The following SLC3A2 variants were observed in gnomAD, a reference collection of about 807,000 sequenced individuals.
SLC3A2 encodes the protein solute carrier family 3 member 2.
Under a neutral mutation model 48.5 loss-of-function variants are expected in SLC3A2, and 32 were observed. That is an observed-to-expected ratio of 0.66 (90% CI 0.50 to 0.89). The LOEUF is 0.89. SLC3A2 is among the 40% of genes least tolerant of loss of function. SLC3A2 has a pLI of 0.00. For missense variants in SLC3A2, 587 were observed against 680.7 expected, an observed-to-expected ratio of 0.86 and a Z score of 1.53; for synonymous variants, 277 against 288.8, an observed-to-expected ratio of 0.96 and a Z score of 0.41.
At chr11:62,861,670 C>T (rs571428879) in intron 1 of SLC3A2, among the ~76,000 whole-genome samples, 1 of 152,180 alleles carries the variant, frequency 6.6e-6, no homozygotes, top group Admixed American at 6.5e-5. Flanking sequence ...AATTCCAGCA[C>T]GTTGGGAGGC....
chr11:62,888,516 G>C lies in SLC3A2; in HGVS notation c.1413G>C (p.Val471=). 6.2e-7 allele frequency: 1 copy of C among 1,614,202 alleles called. No individual in the cohort carries two copies. The highest frequency in any genetic ancestry group is 8.5e-7 in the Non-Finnish European group (1 of 1,180,046). The part of the protein sequence containing the change: ...RFLVVLNFGD[V]GLSAGLQASD... ...TGGTAGTGCTTAACTTTGGGGATGT[G>C]GGCCTCTCGGCTGGACTGCAGGCCT... is the stretch of plus-strand genomic sequence containing the variant. The change falls in exon 9 of 9, where the codon GTG becomes GTC. Residue 471 remains valine, a synonymous_variant. Coordinates refer to ENST00000338663, the MANE Select transcript of SLC3A2 (RefSeq NM_001013251.3).
chr11:62,882,692 C>G (rs189596602), intron 2 of SLC3A2: 1 of 517,192 alleles, frequency 1.9e-6, no homozygotes, highest in Admixed American at 3.2e-5. Context: ...ACATGTTGAC[C>G]GGTCTGGTTT....
In SLC3A2 at chr11:62,888,625, C is replaced by T; in HGVS notation, c.1522C>T (p.Leu508Phe). ...GCCAGGCCGTGAGGAGGGCTCCCCT[C>T]TTGAGCTGGAACGCCTGAAACTGGA... ...TQPGREEGSP[L>F]ELERLKLEPH... The change falls in exon 9 of 9, where the codon CTT (leucine) becomes TTT (phenylalanine). Residue 508 changes from leucine (L) to phenylalanine (F), a missense_variant. By Grantham distance (22) the Leu-to-Phe change is conservative (BLOSUM62 0). Around this residue, in one of 3 missense-constraint regions of SLC3A2, gnomAD observed 169 missense variants for 204.4 expected, o/e 0.83. Coordinates refer to ENST00000338663, the MANE Select transcript of SLC3A2 (RefSeq NM_001013251.3). 6.2e-7 allele frequency: 1 copy of T among 1,609,410 alleles called. No homozygotes were observed. Among genetic ancestry groups the T allele is most frequent in the African/African-American group, 1.3e-5 (1 of 75,068 alleles).
chr11:62,859,316 T>A (rs1322016032), intron 1 of SLC3A2, among the ~76,000 whole-genome samples: 2 of 152,170 alleles, frequency 1.3e-5, no homozygotes, highest in Non-Finnish European at 2.9e-5. Flanking sequence ...AACCCTGAGT[T>A]TGACACAGCA....
In SLC3A2 at chr11:62,859,410, G is replaced by C. The variant is rs550955190; in HGVS notation, c.112+3029G>C. Among the ~76,000 whole-genome samples, 16 of 152,272 alleles carry C rather than the reference G, an allele frequency of 1.1e-4. No individual in the cohort carries two copies. In the East Asian group the frequency reaches 2.7e-3, roughly 26 times the overall value. On this transcript the variant is annotated intron_variant, in intron 1 of 9. Transcript: ENST00000377889. ...TTTTCTTAGTACATAACAAAATGGA[G>C]TCTCCCATGTCTATTTCTTTCTACA... is the stretch of plus-strand genomic sequence containing the variant.
chr11:62,856,157 G>C, exon 1 of SLC3A2: 1 of 799,460 alleles, frequency 1.3e-6, no homozygotes, highest in Non-Finnish European at 1.9e-6. Flanking sequence ...GGAGCGGTGA[G>C]ATCACTGCCT....
At chr11:62,884,590 C>T (rs377703580) in intron 4 of SLC3A2, 42 bp from the exon 5 acceptor site, 54 of 1,613,152 alleles carry the variant, frequency 3.3e-5, no homozygotes, top group Middle Eastern at 1.7e-4. Flanking sequence ...GCTAGAGCCT[C>T]ATAATATTCT....
At chr11:62,885,711 C>T (rs1240918087) in intron 7 of SLC3A2, 103 bp downstream of exon 7, 52 of 1,305,776 alleles carry the variant, frequency 4.0e-5, no homozygotes, top group Middle Eastern at 1.9e-4. Context: ...GGTGAAAACG[C>T]GTTTGATTCT....
At chr11:62,883,580 T>G in intron 3 of SLC3A2, 1 of 203,024 alleles carries the variant, frequency 4.9e-6, no homozygotes, top group South Asian at 8.1e-5. Flanking sequence ...TCAGAATGGG[T>G]AGAACAAAAA....
At chr11:62,860,882 C>G (rs1263957014) in intron 1 of SLC3A2, among the ~76,000 whole-genome samples, 1 of 152,194 alleles carries the variant, frequency 6.6e-6, no homozygotes, top group Admixed American at 6.5e-5. Context: ...CAAAGCACAT[C>G]CTGCACAGCC....
At chr11:62,882,713 T>A in intron 2 of SLC3A2, 195 bp from the exon 3 acceptor site, 1 of 572,990 alleles carries the variant, frequency 1.7e-6, no homozygotes, top group Non-Finnish European at 3.2e-6. Flanking sequence ...TGAACTCGCC[T>A]GGCCTGCCTT....
At position 62,888,426 on chromosome 11, in the gene SLC3A2, C is replaced by A. The variant is rs761885905; in HGVS notation, c.1323C>A (p.His441Gln). 6.2e-7 allele frequency: 1 copy of A among 1,614,106 alleles called. No individual in the cohort carries two copies. Among genetic ancestry groups the A allele is most frequent in the South Asian group, 1.1e-5 (1 of 91,092 alleles). The part of the protein sequence containing the change: ...KERSLLHGDF[H>Q]AFSAGPGLFS... ...GCTCCCTACTGCATGGGGACTTCCA[C>A]GCGTTCTCCGCTGGGCCTGGACTCT... Residue 441 changes from histidine to glutamine, a missense_variant, in exon 9 of 9, where the codon CAC (histidine) becomes CAA (glutamine). His to Gln is a conservative substitution (Grantham distance 24). Around this residue, in one of 3 missense-constraint regions of SLC3A2, gnomAD observed 169 missense variants for 204.4 expected, o/e 0.83. Transcript: ENST00000338663.
chr11:62,858,695 C>A (rs1479520230), intron 1 of SLC3A2, among the ~76,000 whole-genome samples: 2 of 152,270 alleles, frequency 1.3e-5, no homozygotes, highest in South Asian at 4.1e-4. Context: ...ATTTATTGAT[C>A]ATTCGTGGGT....
At chr11:62,884,105 T>G (rs2085676413) in intron 3 of SLC3A2, 12 of 480,076 alleles carry the variant, frequency 2.5e-5, no homozygotes, top group South Asian at 1.9e-4. Context: ...TCTTCATCTC[T>G]AAAATAGGTA....
At chr11:62,864,885 C>T (rs2085437410) in intron 1 of SLC3A2, among the ~76,000 whole-genome samples, 1 of 152,114 alleles carries the variant, frequency 6.6e-6, no homozygotes, top group Middle Eastern at 3.2e-3. Flanking sequence ...TCTCCTGCCT[C>T]AGCCTCCCAT....
Sources: gnomAD v4.1 joint callset for allele counts (sites outside exome capture counted in the v4.1 genomes callset) on GRCh38, gnomAD v4.1.1 for gene constraint, gnomAD v4.1.1 regional missense constraint, MANE v1.5 for transcripts, NCBI Gene and HGNC (gene_info 2026-07-23, HGNC 2026-07-21) for gene names.